Variants in STARD13 observed in about 807,000 individuals in gnomAD.
The protein encoded by STARD13 is StAR related lipid transfer domain containing 13, also known as stAR-related lipid transfer protein 13.
In STARD13, 62 loss-of-function variants were observed where a neutral mutation model predicts 106.4. The ratio of observed to expected loss-of-function variants is 0.58; its 90% CI spans 0.48 to 0.72. The LOEUF (loss-of-function observed/expected upper bound fraction) is 0.72, where lower values mean the gene tolerates loss of function less well. Ranked by LOEUF, STARD13 falls within the 30% of genes least tolerant of loss-of-function variation. The pLI, the probability that STARD13 is intolerant of heterozygous loss-of-function variation, is 0.00. For synonymous variants in STARD13, 565 were observed against 553.0 expected, an observed-to-expected ratio of 1.02 and a Z score of -0.31; for missense variants, 1,387 against 1,424.0, an observed-to-expected ratio of 0.97 and a Z score of 0.42.
the STARD13 span, among the ~76,000 whole-genome samples, chr13:33,626,543 A>T: frequency 6.6e-6 from 1 of 152,240 alleles, no homozygotes; most frequent in South Asian, 2.1e-4. Flanking sequence ...CAAAATAAAG[A>T]AAATAAAGCT....
At chr13:33,265,029 A>G (rs1360761835) in intron 1 of STARD13, among the ~76,000 whole-genome samples, 1 of 152,166 alleles carries the variant, frequency 6.6e-6, no homozygotes. Context: ...GAGCACAGAG[A>G]TCATTCAGGA....
chr13:33,560,587 A>ATT, the STARD13 span, among the ~76,000 whole-genome samples: 2 of 151,392 alleles, frequency 1.3e-5, no homozygotes, highest in African/African-American at 4.9e-5. Context: ...TTGTTGCAAA[A>ATT]TGAATTTGAA....
chr13:33,330,786 C>T (rs2138558396), intron 1 of STARD13, among the ~76,000 whole-genome samples: 2 of 152,270 alleles, frequency 1.3e-5, no homozygotes, highest in Admixed American at 1.3e-4. Context: ...GGCACCGAGG[C>T]TTGGAGTGAA....
chr13:33,109,444 A>G (rs1485432229), intron 12 of STARD13, among the ~76,000 whole-genome samples: 1 of 152,214 alleles, frequency 6.6e-6, no homozygotes, highest in African/African-American at 2.4e-5. Flanking sequence ...TATACAGATG[A>G]GTTCTGAAGT....
At chr13:33,349,357 T>C in intron 1 of STARD13, 1 of 660,274 alleles carries the variant, frequency 1.5e-6, no homozygotes, top group East Asian at 2.7e-5. Flanking sequence ...AACCCTGCAC[T>C]GCCCAGGAAC....
the STARD13 span, among the ~76,000 whole-genome samples, chr13:33,437,258 G>A: frequency 1.3e-5 from 2 of 152,030 alleles, no homozygotes; most frequent in African/African-American, 2.4e-5. Flanking sequence ...GGTGCATGCA[G>A]CCCCCAGTCA....
At chr13:33,515,750 AT>A in the STARD13 span, among the ~76,000 whole-genome samples, 2 of 152,134 alleles carry the variant, frequency 1.3e-5, no homozygotes, top group Non-Finnish European at 1.5e-5. Context: ...GATAAAACTA[AT>A]TATTGAGCAG....
intron 1 of STARD13, among the ~76,000 whole-genome samples, chr13:33,215,840 T>C (rs561421911): frequency 5.3e-5 from 8 of 152,272 alleles, no homozygotes; most frequent in South Asian, 2.1e-4. Context: ...ATCCAGAATC[T>C]ACAACAAACT....
intron 1 of STARD13, among the ~76,000 whole-genome samples, chr13:33,244,579 T>C (rs368029068): frequency 4.6e-5 from 7 of 151,948 alleles, no homozygotes; most frequent in African/African-American, 1.7e-4. Flanking sequence ...CAAGCAGAAG[T>C]GATGTGCAAC....
chr13:33,216,431 G>C (rs1392057680), intron 1 of STARD13, among the ~76,000 whole-genome samples: 1 of 152,208 alleles, frequency 6.6e-6, no homozygotes, highest in African/African-American at 2.4e-5. Context: ...GGTGGGATTA[G>C]AGACTATTAA....
At chr13:33,568,587 C>T in the STARD13 span, among the ~76,000 whole-genome samples, 4 of 147,698 alleles carry the variant, frequency 2.7e-5, no homozygotes, top group Non-Finnish European at 6.0e-5. Context: ...TCCCTGACTA[C>T]GTAGGGCTTC....
At chr13:33,165,212 C>A in intron 3 of STARD13, 125 bp downstream of exon 3, 1 of 754,558 alleles carries the variant, frequency 1.3e-6, no homozygotes, top group South Asian at 1.5e-5. Context: ...GAACCTGCAC[C>A]TGGGTCAGGC....
chr13:33,373,646 A>G, the STARD13 span, among the ~76,000 whole-genome samples: 2 of 152,150 alleles, frequency 1.3e-5, no homozygotes, highest in African/African-American at 4.8e-5. Flanking sequence ...ATTTGAATAG[A>G]TATTTCTGCC....
chr13:33,298,152 T>TTTGGC, intron 1 of STARD13, among the ~76,000 whole-genome samples: 1 of 119,406 alleles, frequency 8.4e-6, no homozygotes, highest in Non-Finnish European at 1.7e-5. Context: ...TTTTTTGAGA[T>TTTGGC]AGAGTCTCAC....
At chr13:33,531,946 G>C in the STARD13 span, among the ~76,000 whole-genome samples, 1 of 152,106 alleles carries the variant, frequency 6.6e-6, no homozygotes, top group African/African-American at 2.4e-5. Flanking sequence ...ACCACCAACA[G>C]AAGTACTGAA....
At chr13:33,446,839 A>G in the STARD13 span, among the ~76,000 whole-genome samples, 3 of 152,228 alleles carry the variant, frequency 2.0e-5, no homozygotes, top group Non-Finnish European at 2.9e-5. Context: ...GGTGCTAATA[A>G]AAAGGACTAT....
chr13:33,583,822 G>A, the STARD13 span, among the ~76,000 whole-genome samples: 1 of 150,064 alleles, frequency 6.7e-6, no homozygotes, highest in Admixed American at 6.7e-5. Flanking sequence ...TTTTTGAGAT[G>A]GAATCTCGCT....
intron 1 of STARD13, among the ~76,000 whole-genome samples, chr13:33,296,914 C>T (rs1465837203): frequency 3.3e-5 from 5 of 152,186 alleles, no homozygotes; most frequent in Admixed American, 6.5e-5. Flanking sequence ...CCACTGCGCC[C>T]GGCCGAGTTC....
chr13:33,280,273 C>T (rs1891707248), intron 1 of STARD13: 1 of 152,194 alleles, frequency 6.6e-6, no homozygotes, highest in South Asian at 2.1e-4. Context: ...ATACATCACT[C>T]ATGCCCACTG....
Sources: gnomAD v4.1 joint callset for allele counts (sites outside exome capture counted in the v4.1 genomes callset) on GRCh38, gnomAD v4.1.1 for gene constraint, MANE v1.5 for transcripts, NCBI Gene and HGNC (gene_info 2026-07-23, HGNC 2026-07-21) for gene names.